The following ZRANB3 variants were observed in gnomAD, a reference collection of about 807,000 sequenced individuals.
The protein encoded by ZRANB3 is zinc finger RANBP2-type containing 3.
ZRANB3 carries 125 observed loss-of-function variants against 133.8 expected under a neutral mutation model. That is an observed-to-expected ratio of 0.93 (90% confidence interval 0.81 to 1.08). The LOEUF (loss-of-function observed/expected upper bound fraction) is 1.08. ZRANB3 is among the 50% of genes least tolerant of loss of function. The pLI is 0.00. For synonymous variants in ZRANB3, 387 were observed against 432.7 expected (o/e 0.89, Z 1.31); for missense variants, 1,229 against 1,275.5 (o/e 0.96, Z 0.56).
intron 2 of ZRANB3, among the ~76,000 whole-genome samples, chr2:135,406,144 C>T (rs1688014190): frequency 6.6e-6 from 1 of 152,052 alleles, no homozygotes; most frequent in Non-Finnish European, 1.5e-5. Context: ...GGGGATATCA[C>T]CACCGATCCC....
At position 135,198,906 on chromosome 2, in the gene ZRANB3, TATTA is replaced by T. The variant is rs1447571248; in HGVS notation, c.*1432_*1435del. 2.0e-5 allele frequency: 3 copies of T among 152,216 alleles called. No homozygotes were observed. The highest frequency in any genetic ancestry group is 7.2e-5 in the African/African-American group (3 of 41,456). 9.4% of individuals were successfully genotyped at this position (152,216 alleles called of 1,614,324 possible). On this transcript the variant is annotated 3_prime_UTR_variant, in exon 21 of 21. Coordinates refer to ENST00000264159, the MANE Select transcript of ZRANB3 (RefSeq NM_032143.4). ...GTCCTTTATGTTGTAAAACACTAGC[TATTA>T]ATTAACGTGGGAAAATGCTCAAACT...
At chr2:135,313,403 T>C in intron 8 of ZRANB3, 86 bp downstream of exon 8, 3 of 796,754 alleles carry the variant, frequency 3.8e-6, no homozygotes, top group East Asian at 2.8e-5. Flanking sequence ...TTCTGCAATA[T>C]ATAAATAACT....
At chr2:135,338,471 C>A (rs780111452) in intron 6 of ZRANB3, among the ~76,000 whole-genome samples, 1 of 152,216 alleles carries the variant, frequency 6.6e-6, no homozygotes, top group Non-Finnish European at 1.5e-5. Flanking sequence ...CACAGTGCCG[C>A]GTGGCTTCTA....
chr2:135,280,310 G>A (rs1311176006), intron 8 of ZRANB3, among the ~76,000 whole-genome samples: 2 of 152,198 alleles, frequency 1.3e-5, no homozygotes, highest in Non-Finnish European at 2.9e-5. Context: ...GCTCATGCCT[G>A]TAATCCCAGC....
chr2:135,290,783 T>C (rs1662201687), intron 8 of ZRANB3, among the ~76,000 whole-genome samples: 1 of 152,062 alleles, frequency 6.6e-6, no homozygotes, highest in African/African-American at 2.4e-5. Context: ...AGTTTCATGA[T>C]CTTTTTGCGA....
intron 1 of ZRANB3, among the ~76,000 whole-genome samples, chr2:135,509,035 A>G (rs897023327): frequency 6.6e-6 from 1 of 152,156 alleles, no homozygotes; most frequent in African/African-American, 2.4e-5. Flanking sequence ...CCAGGAATAC[A>G]TAATTTAAAA....
chr2:135,486,374 C>T (rs1175057757), intron 2 of ZRANB3, among the ~76,000 whole-genome samples: 1 of 152,200 alleles, frequency 6.6e-6, no homozygotes, highest in Non-Finnish European at 1.5e-5. Flanking sequence ...AAACTGCTTT[C>T]TTTGCTCATC....
chr2:135,427,089 C>G (rs777513792), intron 2 of ZRANB3, among the ~76,000 whole-genome samples: 1 of 151,146 alleles, frequency 6.6e-6, no homozygotes, highest in Non-Finnish European at 1.5e-5. Context: ...CCATCTACAA[C>G]AAACCCACAG....
chr2:135,267,810 C>A (rs1680318404), intron 11 of ZRANB3, among the ~76,000 whole-genome samples: 1 of 151,958 alleles, frequency 6.6e-6, no homozygotes, highest in South Asian at 2.1e-4. Context: ...ATGTTTGTAT[C>A]CCCCCCAAAT....
At chr2:135,203,386 A>C (rs1231291852) in intron 19 of ZRANB3, among the ~76,000 whole-genome samples, 1 of 152,078 alleles carries the variant, frequency 6.6e-6, no homozygotes, top group Non-Finnish European at 1.5e-5. Context: ...TTGGGAGGCC[A>C]GGGCAGGCGG....
At chr2:135,239,991 A>G (rs1440058519) in intron 12 of ZRANB3, among the ~76,000 whole-genome samples, 1 of 152,142 alleles carries the variant, frequency 6.6e-6, no homozygotes, top group Non-Finnish European at 1.5e-5. Flanking sequence ...TCAAAAAAAA[A>G]AAAAGGGTGG....
At chr2:135,312,518 C>T (rs947609250) in intron 8 of ZRANB3, among the ~76,000 whole-genome samples, 6 of 152,100 alleles carry the variant, frequency 3.9e-5, no homozygotes, top group African/African-American at 1.4e-4. Flanking sequence ...ACAACTACCA[C>T]AAATATATGA....
intron 8 of ZRANB3, among the ~76,000 whole-genome samples, chr2:135,287,818 T>C (rs1278120718): frequency 6.6e-6 from 1 of 152,080 alleles, no homozygotes; most frequent in Non-Finnish European, 1.5e-5. Flanking sequence ...ATTTATCAGA[T>C]CTAGGAGCTC....
chr2:135,516,640 TTAGTC>T (rs1384650054), intron 1 of ZRANB3, among the ~76,000 whole-genome samples: 10 of 152,230 alleles, frequency 6.6e-5, no homozygotes, highest in African/African-American at 2.2e-4. Context: ...AGATCCACTG[TTAGTC>T]TGATGAGCTT....
At chr2:135,226,979 G>A (rs1483082162) in intron 14 of ZRANB3, among the ~76,000 whole-genome samples, 1 of 152,218 alleles carries the variant, frequency 6.6e-6, no homozygotes, top group Non-Finnish European at 1.5e-5. Context: ...GATGCCTTGA[G>A]CTCAGAAATT....
intron 14 of ZRANB3, 65 bp from the exon 15 acceptor site, chr2:135,224,582 A>AG: frequency 2.5e-6 from 3 of 1,186,964 alleles, no homozygotes; most frequent in Non-Finnish European, 3.7e-6. Flanking sequence ...AGCTTATTTT[A>AG]ATCGTGTGTA....
At position 135,436,872 on chromosome 2, in the gene ZRANB3, A is replaced by G. The variant is rs550775285; in HGVS notation, c.162-46052T>C. The stretch of plus-strand genomic sequence containing the variant: ...TTACCTAACTTCAAACTATACTACA[A>G]GGCTAGAGAATTTTCATAGCAGTAC... On this transcript the variant is annotated intron_variant, in intron 2 of 20. Transcript: ENST00000264159. Among the ~76,000 whole-genome samples, 10 of 152,354 alleles carry G rather than the reference A, an allele frequency of 6.6e-5. No individual in the cohort carries two copies. The South Asian group carries it at 2.1e-3, about 32-fold the overall frequency.
chr2:135,334,408 TA>T (rs1324062969), intron 6 of ZRANB3, among the ~76,000 whole-genome samples: 2 of 152,308 alleles, frequency 1.3e-5, no homozygotes, highest in Admixed American at 6.5e-5. Context: ...ATACATATTC[TA>T]TTAATATTTA....
At chr2:135,403,348 G>A (rs1261822764) in intron 2 of ZRANB3, among the ~76,000 whole-genome samples, 2 of 152,158 alleles carry the variant, frequency 1.3e-5, no homozygotes, top group African/African-American at 2.4e-5. Flanking sequence ...ACAGAGCCTC[G>A]CTCATTGCTA....
Sources: allele counts gnomAD v4.1 joint callset (sites outside exome capture counted in the v4.1 genomes callset), GRCh38; gene constraint gnomAD v4.1.1; transcripts MANE v1.5; gene names NCBI Gene and HGNC (gene_info 2026-07-23, HGNC 2026-07-21).